Variants in SDC2 observed in about 807,000 individuals in gnomAD.
SDC2 encodes the protein syndecan-2.
In SDC2, 13 loss-of-function variants were observed where a neutral mutation model predicts 22.2. The ratio of observed to expected loss-of-function variants is 0.59; its 90% CI spans 0.38 to 0.93. The LOEUF (loss-of-function observed/expected upper bound fraction) is 0.93, where lower values mean the gene tolerates loss of function less well. Ranked by LOEUF, SDC2 falls within the 40% of genes least tolerant of loss-of-function variation. The pLI is 0.00. For synonymous variants in SDC2, 94 were observed against 92.8 expected (o/e 1.01, Z -0.07); for missense variants, 235 against 246.8 (o/e 0.95, Z 0.32).
At chr8:96,559,393 A>G (rs1814171071) in intron 1 of SDC2, among the ~76,000 whole-genome samples, 1 of 152,210 alleles carries the variant, frequency 6.6e-6, no homozygotes, top group Admixed American at 6.5e-5. Context: ...TGGAAATGAC[A>G]TGATGTTGTG....
chr8:96,602,252 G>T, intron 2 of SDC2, 143 bp from the exon 3 acceptor site: 2 of 796,588 alleles, frequency 2.5e-6, no homozygotes, highest in South Asian at 1.9e-5. Context: ...AAGACCACAG[G>T]AAGCTTTGTG....
intron 1 of SDC2, among the ~76,000 whole-genome samples, chr8:96,505,606 C>T (rs866057986): frequency 6.6e-6 from 1 of 151,994 alleles, no homozygotes; most frequent in Non-Finnish European, 1.5e-5. Context: ...GGCCTGGAAC[C>T]CTACATTTTA....
chr8:96,583,717 GTATATATA>G (rs60809365), intron 1 of SDC2, among the ~76,000 whole-genome samples: 1 of 116,732 alleles, frequency 8.6e-6, no homozygotes, highest in East Asian at 2.5e-4. Context: ...GTGTGTGTGT[GTATATATA>G]TATATGAGAA....
intron 1 of SDC2, among the ~76,000 whole-genome samples, chr8:96,560,684 C>G (rs188910189): frequency 7.9e-5 from 12 of 152,160 alleles, no homozygotes; most frequent in Admixed American, 6.5e-4. Context: ...GATCATTAAA[C>G]CCTTTGAGAA....
At chr8:96,600,514 C>T (rs1395200217) in intron 2 of SDC2, among the ~76,000 whole-genome samples, 1 of 152,178 alleles carries the variant, frequency 6.6e-6, no homozygotes, top group Non-Finnish European at 1.5e-5. Flanking sequence ...ATGTCTTAGA[C>T]ACTATGTTAG....
At chr8:96,558,899 G>C (rs961917965) in intron 1 of SDC2, among the ~76,000 whole-genome samples, 1 of 152,002 alleles carries the variant, frequency 6.6e-6, no homozygotes, top group Non-Finnish European at 1.5e-5. Flanking sequence ...AGTGATGCAC[G>C]GTAGTAAAGA....
At chr8:96,528,097 CAG>C (rs1813605982) in intron 1 of SDC2, among the ~76,000 whole-genome samples, 2 of 152,156 alleles carry the variant, frequency 1.3e-5, no homozygotes, top group African/African-American at 4.8e-5. Flanking sequence ...GGGGAAGGAA[CAG>C]ATTATTTGAT....
chr8:96,551,420 A>G (rs561948347), intron 1 of SDC2, among the ~76,000 whole-genome samples: 4 of 152,328 alleles, frequency 2.6e-5, no homozygotes, highest in East Asian at 1.9e-4. Context: ...CCAAGTACCT[A>G]TTCCAAGCAT....
chr8:96,521,419 C>T (rs1206720469), intron 1 of SDC2, among the ~76,000 whole-genome samples: 2 of 152,146 alleles, frequency 1.3e-5, no homozygotes, highest in African/African-American at 4.8e-5. Flanking sequence ...AGGGAGACTG[C>T]TCTGAAAACA....
chr8:96,527,920 T>C (rs1813603391), intron 1 of SDC2, among the ~76,000 whole-genome samples: 2 of 152,186 alleles, frequency 1.3e-5, no homozygotes, highest in South Asian at 4.1e-4. Flanking sequence ...TGTGATATAT[T>C]TATAATAGAA....
Position 96,494,178 on chromosome 8 carries a change from A to G in SDC2, c.-94A>G. ...CAATCGCTGCGGTACTCTGCTCCGG[A>G]TTCGTGTGCGCGGGCTGCGCCGAGC... is the stretch of plus-strand genomic sequence containing the variant. On this transcript the variant is annotated 5_prime_UTR_variant, in exon 1 of 5. Coordinates refer to ENST00000302190, the MANE Select transcript of SDC2 (RefSeq NM_002998.4). 7.6e-7 allele frequency: 1 copy of G among 1,322,578 alleles called. No individual in the cohort carries two copies. The highest frequency in any genetic ancestry group is 1.0e-6 in the Non-Finnish European group (1 of 961,046). 81.9% of individuals were successfully genotyped at this position (1,322,578 alleles called of 1,614,324 possible).
intron 1 of SDC2, among the ~76,000 whole-genome samples, chr8:96,591,122 C>A (rs1223516300): frequency 6.6e-6 from 1 of 152,192 alleles, no homozygotes; most frequent in Non-Finnish European, 1.5e-5. Context: ...GTCCAGACAA[C>A]TGGGTCATCG....
intron 1 of SDC2, among the ~76,000 whole-genome samples, chr8:96,496,923 C>T (rs966911172): frequency 2.6e-5 from 4 of 152,120 alleles, no homozygotes; most frequent in Admixed American, 1.3e-4. Context: ...ACTTTGGCTG[C>T]GGAGCACCAG....
chr8:96,527,313 G>T (rs1034365295), intron 1 of SDC2, among the ~76,000 whole-genome samples: 1 of 152,084 alleles, frequency 6.6e-6, no homozygotes, highest in East Asian at 1.9e-4. Flanking sequence ...ATCATTCTTT[G>T]TTCTATCACC....
At position 96,602,472 on chromosome 8, in the gene SDC2, C is replaced by T. The variant is rs1249048380; in HGVS notation, c.250C>T (p.Pro84Ser). ...LPKILLTSAA[P>S]KVETTTLNIQ... ...AAAGATACTGTTGACTAGTGCTGCT[C>T]CAAAAGTGGAAACCACGACGCTGAA... Residue 84 changes from proline to serine, a missense_variant, in exon 3 of 5, where the codon CCA becomes TCA. Transcript: ENST00000302190. 6.2e-7 allele frequency: 1 copy of T among 1,613,972 alleles called. No individual in the cohort carries two copies. The highest frequency in any genetic ancestry group is 1.3e-5 in the African/African-American group (1 of 74,900).
rs1814580948 is a variant in SDC2, at chr8:96,581,063, G to A, written c.61-12417G>A. Among the ~76,000 whole-genome samples, 4 of 151,882 alleles carry A rather than the reference G, an allele frequency of 2.6e-5. No homozygotes were observed. The South Asian group carries it at 6.2e-4, about 24-fold the overall frequency. On this transcript the variant is annotated intron_variant, in intron 1 of 4. Transcript: ENST00000302190. Reference sequence around the variant, plus strand: ...ATTCCTAACTGTTTTGCTTTTCTTCGTCTTCCATATTTTTAGAAAATGAAA... The same window carrying A: ...ATTCCTAACTGTTTTGCTTTTCTTCATCTTCCATATTTTTAGAAAATGAAA...
At chr8:96,602,559 T>C in intron 3 of SDC2, 31 bp downstream of exon 3, 1 of 1,611,840 alleles carries the variant, frequency 6.2e-7, no homozygotes, top group Non-Finnish European at 8.5e-7. Flanking sequence ...CATTGCATTA[T>C]CAGGTTATTA....
At chr8:96,550,914 G>A (rs946749547) in intron 1 of SDC2, among the ~76,000 whole-genome samples, 2 of 152,106 alleles carry the variant, frequency 1.3e-5, no homozygotes, top group East Asian at 1.9e-4. Context: ...AGGTCTAATA[G>A]TATCAGCTGT....
At position 96,574,045 on chromosome 8, in the gene SDC2, A is replaced by AC. The variant is rs139881878; in HGVS notation, c.61-19430dup. 4.3e-4 allele frequency among the ~76,000 whole-genome samples: 15 copies of AC among 35,012 alleles called. No individual in the cohort carries two copies. In the East Asian group the frequency reaches 6.1e-3, roughly 14 times the overall value. The allele number at this position is 35,012 out of a possible 152,430, so 23.0% of individuals were successfully genotyped here. A position where few individuals can be genotyped will look rare whatever the true frequency, so the allele number is the denominator to read the frequency against. ...GCCCTCTGCACCCCCTCCCCTCCAC[A>AC]CCCCCTCCCCTCTGCATAGCTAGCA... On this transcript the variant is annotated intron_variant, in intron 1 of 4. Transcript: ENST00000302190.
Sources: gnomAD v4.1 joint callset for allele counts (sites outside exome capture counted in the v4.1 genomes callset) on GRCh38, gnomAD v4.1.1 for gene constraint, MANE v1.5 for transcripts, NCBI Gene and HGNC (gene_info 2026-07-23, HGNC 2026-07-21) for gene names.